Variants in ERN1 observed in about 807,000 individuals in gnomAD.
The protein encoded by ERN1 is endoplasmic reticulum to nucleus signaling 1.
Under a neutral mutation model 113.1 loss-of-function variants are expected in ERN1, and 39 were observed. The ratio of observed to expected loss-of-function variants is 0.34; its 90% confidence interval spans 0.27 to 0.45. The LOEUF (loss-of-function observed/expected upper bound fraction) is 0.45, where lower values mean the gene tolerates loss of function less well. Among genes scored for constraint, ERN1 ranks in the 20% least tolerant of loss-of-function variants. The probability of loss-of-function intolerance (pLI) is 1.00; values close to 1 mark genes in which losing one functional copy is unlikely to be tolerated. For synonymous variants in ERN1, 507 were observed against 515.9 expected (o/e 0.98, Z 0.23); for missense variants, 976 against 1,274.8 (o/e 0.77, Z 3.57).
intron 7 of ERN1, among the ~76,000 whole-genome samples, chr17:64,067,676 A>G (rs1031198338): frequency 6.6e-6 from 1 of 152,158 alleles, no homozygotes; most frequent in African/African-American, 2.4e-5. Flanking sequence ...CATCAGATTC[A>G]CAAAGGAGTC....
At chr17:64,053,804 A>G (rs554356160) in intron 15 of ERN1, among the ~76,000 whole-genome samples, 50 of 152,330 alleles carry the variant, frequency 3.3e-4, no homozygotes, top group African/African-American at 1.2e-3. Flanking sequence ...CAGACTGCCC[A>G]GGCATGCTGG....
intron 12 of ERN1, among the ~76,000 whole-genome samples, chr17:64,056,782 A>G (rs1177799552): frequency 1.3e-5 from 2 of 152,192 alleles, no homozygotes; most frequent in African/African-American, 4.8e-5. Flanking sequence ...TTAGCTTCTC[A>G]GGGTCTACTT....
At chr17:64,076,649 A>G (rs931694653) in intron 4 of ERN1, among the ~76,000 whole-genome samples, 2 of 151,718 alleles carry the variant, frequency 1.3e-5, no homozygotes, top group Non-Finnish European at 2.9e-5. Context: ...ACCCAGGCTG[A>G]AGTGCAGTGG....
chr17:64,076,098 AATGTT>A (rs1377851868), intron 4 of ERN1, among the ~76,000 whole-genome samples: 1 of 152,244 alleles, frequency 6.6e-6, no homozygotes, highest in Non-Finnish European at 1.5e-5. Context: ...AAGGAATCCA[AATGTT>A]TCAACTGCAT....
chr17:64,067,133 C>A (rs541654986), intron 7 of ERN1: 2 of 605,820 alleles, frequency 3.3e-6, no homozygotes, highest in East Asian at 5.6e-5. Context: ...AGCTGGCTGG[C>A]GTATAAACAC....
intron 1 of ERN1, among the ~76,000 whole-genome samples, chr17:64,120,084 A>C (rs1914916973): frequency 6.6e-6 from 1 of 152,100 alleles, no homozygotes; most frequent in South Asian, 2.1e-4. Flanking sequence ...AAAAAAGAAA[A>C]GATGCCGGCC....
chr17:64,085,096 A>G (rs956369594), intron 2 of ERN1, among the ~76,000 whole-genome samples: 1 of 152,208 alleles, frequency 6.6e-6, no homozygotes, highest in African/African-American at 2.4e-5. Flanking sequence ...CATCTTCCCA[A>G]GGATCTAAAA....
chr17:64,126,160 A>G (rs2143514711), intron 1 of ERN1, among the ~76,000 whole-genome samples: 1 of 152,320 alleles, frequency 6.6e-6, no homozygotes. Context: ...CTATTTTTTA[A>G]GCCAGCATCA....
At chr17:64,106,734 ACACACACACACACACACACACACACACAC>A (rs1914539443) in intron 1 of ERN1, among the ~76,000 whole-genome samples, 1 of 142,682 alleles carries the variant, frequency 7.0e-6, no homozygotes, top group Admixed American at 6.9e-5. Context: ...ACACACACAC[ACACACACACACACACACACACACACACAC>A]AAGCTCGCTG....
chr17:64,064,193 G>A (rs369531848), intron 9 of ERN1, 42 bp from the exon 10 acceptor site: 24 of 1,541,190 alleles, frequency 1.6e-5, no homozygotes, highest in South Asian at 6.0e-5. Flanking sequence ...CCTGGAGGGA[G>A]AGCGGGTCCC....
chr17:64,058,812 T>A (rs1214937700), intron 11 of ERN1, among the ~76,000 whole-genome samples: 1 of 152,162 alleles, frequency 6.6e-6, no homozygotes, highest in Non-Finnish European at 1.5e-5. Flanking sequence ...TCCCCCCAGA[T>A]GGCTGCCTAG....
intron 1 of ERN1, among the ~76,000 whole-genome samples, chr17:64,124,078 A>G (rs973540431): frequency 6.6e-6 from 1 of 152,234 alleles, no homozygotes; most frequent in Non-Finnish European, 1.5e-5. Context: ...GATGGCTAAG[A>G]TTAAAAAGAT....
chr17:64,104,789 A>T (rs1305773192), intron 1 of ERN1, among the ~76,000 whole-genome samples: 2 of 152,100 alleles, frequency 1.3e-5, no homozygotes, highest in African/African-American at 4.8e-5. Context: ...ACTGCACTCC[A>T]GCCTGGGTGA....
intron 12 of ERN1, among the ~76,000 whole-genome samples, chr17:64,056,812 G>T (rs1158876125): frequency 6.6e-6 from 1 of 152,194 alleles, no homozygotes; most frequent in Non-Finnish European, 1.5e-5. Flanking sequence ...GTGGACAAGG[G>T]ATCAATAATA....
At chr17:64,075,825 G>A (rs552231557) in intron 4 of ERN1, among the ~76,000 whole-genome samples, 7 of 152,198 alleles carry the variant, frequency 4.6e-5, no homozygotes, top group Non-Finnish European at 8.8e-5. Flanking sequence ...GCCAGAGCTG[G>A]CTAGACTGAG....
At chr17:64,093,720 C>G (rs1335342665) in intron 2 of ERN1, among the ~76,000 whole-genome samples, 1 of 152,208 alleles carries the variant, frequency 6.6e-6, no homozygotes, top group African/African-American at 2.4e-5. Context: ...AAAGTACCAT[C>G]ACACTGAGGG....
At position 64,049,075 on chromosome 17, in the gene ERN1, C is replaced by G; in HGVS notation, c.2381G>C (p.Cys794Ser). 1 of 1,598,954 alleles carries G rather than the reference C, an allele frequency of 6.3e-7. No homozygotes were observed. The highest frequency in any genetic ancestry group is 8.6e-7 in the Non-Finnish European group (1 of 1,168,546). ...NILLGACSLD[C>S]LHPEKHEDVI... Reference sequence around the variant, plus strand: ...CTCACCGTGCTTCTCTGGGTGCAAGCAGTCAAGGCTGCAGGCACCCAGGAG... The same window carrying G: ...CTCACCGTGCTTCTCTGGGTGCAAGGAGTCAAGGCTGCAGGCACCCAGGAG... Residue 794 changes from cysteine (C) to serine (S), a missense_variant, in exon 18 of 22, where the codon TGC becomes TCC. Around this residue, in one of 5 missense-constraint regions of ERN1, gnomAD observed 297 missense variants for 457.8 expected, o/e 0.65. Transcript: ENST00000433197. This position sits in a 1 kb window ranked among gnomAD's most constrained non-coding sequence, Gnocchi z 4.7.
At chr17:64,077,509 A>AG (rs1913629303) in intron 4 of ERN1, among the ~76,000 whole-genome samples, 2 of 151,840 alleles carry the variant, frequency 1.3e-5, no homozygotes, top group Non-Finnish European at 2.9e-5. Flanking sequence ...TTTTGGCTTT[A>AG]CATAAGTGAA....
At chr17:64,080,507 T>C (rs1913734385) in intron 3 of ERN1, 3 of 417,010 alleles carry the variant, frequency 7.2e-6, no homozygotes, top group African/African-American at 4.1e-5. Flanking sequence ...CCAGTCCCCC[T>C]GAGGACTTTG....
Sources: allele counts gnomAD v4.1 joint callset (sites outside exome capture counted in the v4.1 genomes callset), GRCh38; gene constraint gnomAD v4.1.1; regional missense constraint gnomAD v4.1.1; non-coding constraint Gnocchi (gnomAD v3.1); transcripts MANE v1.5; gene names NCBI Gene and HGNC (gene_info 2026-07-23, HGNC 2026-07-21).